GAB1: variants seen among roughly 807,000 people sequenced by gnomAD.
GAB1 encodes the protein GRB2-associated-binding protein 1.
GAB1 carries 19 observed loss-of-function variants against 66.5 expected under a neutral mutation model. The ratio of observed to expected loss-of-function variants is 0.29; its 90% CI spans 0.20 to 0.42. The LOEUF (loss-of-function observed/expected upper bound fraction) is 0.42, where lower values mean the gene tolerates loss of function less well. Ranked by LOEUF, GAB1 falls within the 10% of genes least tolerant of loss-of-function variation. The pLI is 1.00. For synonymous variants in GAB1, 294 were observed against 301.4 expected (o/e 0.98, Z 0.25); for missense variants, 732 against 858.5 (o/e 0.85, Z 1.84).
At chr4:143,410,192 C>T (rs1216372125) in intron 1 of GAB1, among the ~76,000 whole-genome samples, 1 of 152,050 alleles carries the variant, frequency 6.6e-6, no homozygotes, top group Non-Finnish European at 1.5e-5. Flanking sequence ...TTAGCTCTTC[C>T]AGTAAAGGTA....
At chr4:143,351,968 C>T (rs1045878839) in intron 1 of GAB1, among the ~76,000 whole-genome samples, 1 of 152,136 alleles carries the variant, frequency 6.6e-6, no homozygotes, top group Non-Finnish European at 1.5e-5. Context: ...CGGAAGCAAA[C>T]ATTTATTTTT....
intron 6 of GAB1, among the ~76,000 whole-genome samples, chr4:143,446,002 T>G (rs1242181492): frequency 6.6e-6 from 1 of 152,142 alleles, no homozygotes; most frequent in African/African-American, 2.4e-5. Context: ...GTCCATCTGT[T>G]CTCATTGTTC....
intron 1 of GAB1, among the ~76,000 whole-genome samples, chr4:143,405,866 A>G (rs992328558): frequency 1.3e-5 from 2 of 152,032 alleles, no homozygotes; most frequent in African/African-American, 4.8e-5. Flanking sequence ...ATTCCTTCAC[A>G]CCAAATTCCA....
chr4:143,371,992 G>T (rs1730142337), intron 1 of GAB1, among the ~76,000 whole-genome samples: 1 of 152,070 alleles, frequency 6.6e-6, no homozygotes, highest in Non-Finnish European at 1.5e-5. Flanking sequence ...TCAGCATCTA[G>T]TTTAATGTAT....
At chr4:143,452,425 A>G (rs1352217578) in intron 6 of GAB1, among the ~76,000 whole-genome samples, 1 of 152,166 alleles carries the variant, frequency 6.6e-6, no homozygotes, top group Non-Finnish European at 1.5e-5. Flanking sequence ...TTTTCTAGTT[A>G]GCGTGTTTTC....
intron 1 of GAB1, among the ~76,000 whole-genome samples, chr4:143,399,676 A>T (rs1258150337): frequency 6.6e-6 from 1 of 152,184 alleles, no homozygotes; most frequent in Middle Eastern, 3.2e-3. Context: ...CTTTCTGTTC[A>T]TTCATCCTTC....
chr4:143,452,748 C>T (rs1327985129), intron 6 of GAB1, among the ~76,000 whole-genome samples: 1 of 152,156 alleles, frequency 6.6e-6, no homozygotes, highest in Non-Finnish European at 1.5e-5. Flanking sequence ...GAAATTTCCC[C>T]AGTAGTCAGT....
rs539299368 is a variant in GAB1 at position 143,393,514 on chromosome 4, T to C, written c.73-21963T>C. Among the ~76,000 whole-genome samples the C allele has an allele frequency of 3.9e-5, 6 of 152,314 alleles. No homozygotes were observed. The East Asian group carries it at 1.2e-3, about 29-fold the overall frequency. On this transcript the variant is annotated intron_variant, in intron 1 of 9. Transcript: ENST00000262994. Reference sequence around the variant, plus strand: ...TGGGAATAAATTACAGCCTACCTCATAGGGCTGTGATGAGGATTAAATTAA... The same window carrying C: ...TGGGAATAAATTACAGCCTACCTCACAGGGCTGTGATGAGGATTAAATTAA...
intron 1 of GAB1, among the ~76,000 whole-genome samples, chr4:143,384,247 A>T (rs1055174180): frequency 5.3e-5 from 8 of 152,230 alleles, no homozygotes; most frequent in African/African-American, 1.9e-4. Context: ...AAAACATTTC[A>T]GCTGTATAAT....
chr4:143,457,602 T>C, intron 6 of GAB1: 1 of 550,782 alleles, frequency 1.8e-6, no homozygotes, highest in Non-Finnish European at 2.9e-6. Flanking sequence ...TTGCTTTTTT[T>C]TTTTTTTTTT....
At chr4:143,392,894 C>T (rs1731250967) in intron 1 of GAB1, among the ~76,000 whole-genome samples, 1 of 152,126 alleles carries the variant, frequency 6.6e-6, no homozygotes, top group Non-Finnish European at 1.5e-5. Context: ...TTCTGAAATA[C>T]TAGGCTGTTA....
intron 2 of GAB1, among the ~76,000 whole-genome samples, chr4:143,428,269 T>C (rs1294049729): frequency 1.3e-5 from 2 of 152,168 alleles, no homozygotes; most frequent in Non-Finnish European, 2.9e-5. Context: ...AAGCTTAGAA[T>C]TGAGTTTGAG....
At chr4:143,421,678 TTTTTCTTTTC>T (rs1217207033) in intron 2 of GAB1, among the ~76,000 whole-genome samples, 1 of 143,396 alleles carries the variant, frequency 7.0e-6, no homozygotes, top group Non-Finnish European at 1.5e-5. Flanking sequence ...TCTTTTTCTT[TTTTTCTTTTC>T]TTTTCTTTTC....
Position 143,440,289 on chromosome 4 carries a change from A to G in GAB1, c.1492A>G (p.Arg498Gly). ...TCCTCCTCCTGCTCATATGGGCTTC[A>G]GGTCCAGCCCAAAAACCCCTCCCAG... Reference protein sequence around the residue: ...QVPPPAHMGFRSSPKTPPRRP... With the variant: ...QVPPPAHMGFGSSPKTPPRRP... Residue 498 changes from arginine (R) to glycine (G), a missense_variant, in exon 6 of 10, where the codon AGG (arginine) becomes GGG (glycine). Physicochemically the swap from Arg to Gly is moderately radical, Grantham distance 125. Transcript: ENST00000262994. 4 of 1,614,168 alleles carry G rather than the reference A, an allele frequency of 2.5e-6. No individual in the cohort carries two copies. Among genetic ancestry groups the G allele is most frequent in the Non-Finnish European group, 3.4e-6 (4 of 1,180,018 alleles).
At chr4:143,440,526 C>T (rs1046343951) in intron 6 of GAB1, 144 bp downstream of exon 6, 1 of 732,680 alleles carries the variant, frequency 1.4e-6, no homozygotes, top group Admixed American at 3.2e-5. Flanking sequence ...TTAAGCAAAG[C>T]AGTACTGCCA....
chr4:143,421,772 C>A (rs1323248107), intron 2 of GAB1, among the ~76,000 whole-genome samples: 1 of 144,174 alleles, frequency 6.9e-6, no homozygotes, highest in Non-Finnish European at 1.5e-5. Context: ...TGCGGTGGGG[C>A]CCTGTCACCT....
rs1736146222 is a variant in GAB1, at chr4:143,472,915, A to G, written c.*3726A>G. The G allele has an allele frequency of 6.6e-6, 1 of 152,232 alleles. No homozygotes were observed. Among genetic ancestry groups the G allele is most frequent in the African/African-American group, 2.4e-5 (1 of 41,452 alleles). The allele number at this position is 152,232 out of a possible 1,614,324, so 9.4% of individuals were successfully genotyped here. A position where few individuals can be genotyped will look rare whatever the true frequency, so the allele number is the denominator to read the frequency against. Reference sequence around the variant, plus strand: ...TGAACTATGAGAAGCCATGGTATAAATGAATATTGTGGACATCATGGACTT... The same window carrying G: ...TGAACTATGAGAAGCCATGGTATAAGTGAATATTGTGGACATCATGGACTT... On this transcript the variant is annotated 3_prime_UTR_variant, in exon 10 of 10. Transcript: ENST00000262994.
At position 143,353,056 on chromosome 4, in the gene GAB1, T is replaced by G. The variant is rs554079519; in HGVS notation, c.72+15796T>G. On this transcript the variant is annotated intron_variant, in intron 1 of 9. Transcript: ENST00000262994. ...AAGAAAGTGTTTTGTAGGTATCTGT[T>G]TAAAAAAGAATGTGCATTCCTGAAT... Among the ~76,000 whole-genome samples the G allele has an allele frequency of 4.6e-5, 7 of 152,288 alleles. No homozygotes were observed. In the South Asian group the frequency reaches 1.5e-3, roughly 32 times the overall value.
intron 3 of GAB1, among the ~76,000 whole-genome samples, chr4:143,437,597 A>G (rs1013523802): frequency 5.9e-5 from 9 of 152,222 alleles, no homozygotes; most frequent in Admixed American, 3.3e-4. Flanking sequence ...GATCAACTAT[A>G]TAAACTGTAC....
Sources: gnomAD v4.1 joint callset for allele counts (sites outside exome capture counted in the v4.1 genomes callset) on GRCh38, gnomAD v4.1.1 for gene constraint, MANE v1.5 for transcripts, NCBI Gene and HGNC (gene_info 2026-07-23, HGNC 2026-07-21) for gene names.